The following TOLLIP variants were observed in gnomAD, a reference collection of about 807,000 sequenced individuals.
TOLLIP encodes the protein toll interacting protein, also known as toll-interacting protein.
In TOLLIP, 16 loss-of-function variants were observed where a neutral mutation model predicts 33.5. That is an observed-to-expected ratio of 0.48 (90% CI 0.32 to 0.72). The LOEUF (loss-of-function observed/expected upper bound fraction) is 0.72. Among genes scored for constraint, TOLLIP ranks in the 30% least tolerant of loss-of-function variants. The probability of loss-of-function intolerance (pLI) is 0.03; values close to 1 mark genes in which losing one functional copy is unlikely to be tolerated. For synonymous variants in TOLLIP, 176 were observed against 163.7 expected (o/e 1.07, Z -0.57); for missense variants, 325 against 396.6 (o/e 0.82, Z 1.53).
At chr11:1,306,364 C>A (rs927722274) in intron 1 of TOLLIP, among the ~76,000 whole-genome samples, 1 of 152,086 alleles carries the variant, frequency 6.6e-6, no homozygotes, top group Non-Finnish European at 1.5e-5. Flanking sequence ...TGCTCCTTCA[C>A]GGCCCATGGG....
intron 1 of TOLLIP, among the ~76,000 whole-genome samples, chr11:1,301,468 G>A (rs928136550): frequency 1.5e-5 from 2 of 129,506 alleles, no homozygotes; most frequent in South Asian, 2.7e-4. Context: ...CGAGAACTCC[G>A]TATCCATGTG....
In TOLLIP at chr11:1,303,093, G is replaced by A. The variant is rs1020076869; in HGVS notation, c.33+6373C>T. ...AGCTGGGAGATGACAGTATTGAAAC[G>A]AACCCGTGTAAGCTGAAGAGCGGTG... On this transcript the variant is annotated intron_variant, in intron 1 of 5. Transcript: ENST00000317204. The surrounding 1 kb of genome is among the most constrained non-coding windows in gnomAD (Gnocchi z 4.2). Among the ~76,000 whole-genome samples the A allele has an allele frequency of 2.0e-5, 3 of 152,190 alleles. No homozygotes were observed. Among genetic ancestry groups the A allele is most frequent in the African/African-American group, 7.2e-5 (3 of 41,460 alleles).
intron 1 of TOLLIP, chr11:1,302,848 G>A: frequency 2.1e-6 from 2 of 961,704 alleles, no homozygotes; most frequent in Non-Finnish European, 2.5e-6. Flanking sequence ...CGGCCGCTCA[G>A]CAGCCCCCTC....
At chr11:1,280,991 GGA>G (rs2133882299) in intron 5 of TOLLIP, among the ~76,000 whole-genome samples, 1 of 152,332 alleles carries the variant, frequency 6.6e-6, no homozygotes, top group Admixed American at 6.5e-5. Flanking sequence ...CCAGCCTGGC[GGA>G]GAGTCTCTGT....
Position 1,290,165 on chromosome 11 carries a change from T to G in TOLLIP, c.366+62A>C, listed in dbSNP as rs1863886954. The G allele has an allele frequency of 1.1e-5, 17 of 1,549,880 alleles. No individual in the cohort carries two copies. The East Asian group carries it at 3.9e-4, about 36-fold the overall frequency. On this transcript the variant is annotated intron_variant, in intron 3 of 5. Transcript: ENST00000317204. This position sits in a 1 kb window ranked among gnomAD's most constrained non-coding sequence, Gnocchi z 4.9. ...GAACGTGGCTGTGTTGGCAGGTGTG[T>G]CCCCACGGCAGCCACGCTCAGCCAC...
rs547390607 is a variant in TOLLIP at position 1,276,899 on chromosome 11, G to A, written c.*140C>T. The stretch of plus-strand genomic sequence containing the variant: ...CCCACATGCACCCAAGAACAGGTGT[G>A]GACGGGGCGGCACAGAAGTCCACGG... On this transcript the variant is annotated 3_prime_UTR_variant, in exon 6 of 6. Transcript: ENST00000317204. 6.4e-6 allele frequency: 10 copies of A among 1,557,808 alleles called. No homozygotes were observed. In the African/African-American group the frequency reaches 1.4e-4, roughly 21 times the overall value.
chr11:1,300,151 T>G (rs1864226981), intron 1 of TOLLIP, among the ~76,000 whole-genome samples: 1 of 152,234 alleles, frequency 6.6e-6, no homozygotes, highest in South Asian at 2.1e-4. Context: ...AGGGCTCTCA[T>G]CCCACAGAGC....
intron 5 of TOLLIP, chr11:1,283,363 G>A (rs923157628): frequency 2.9e-6 from 1 of 350,320 alleles, no homozygotes; most frequent in Non-Finnish European, 5.6e-6. Flanking sequence ...GGATGCTGCG[G>A]ACTCAGACGG....
Position 1,275,131 on chromosome 11 carries a change from G to GCGGGCCCCCA in TOLLIP, c.*1907_*1908insTGGGGGCCCG, listed in dbSNP as rs1863247304. On this transcript the variant is annotated 3_prime_UTR_variant, in exon 6 of 6. Coordinates refer to ENST00000317204, the MANE Select transcript of TOLLIP (RefSeq NM_019009.4). ...AAAGGGTTGCTCTCCCTCCAGCGAGGCTGGCCCCCACTGTGTGGGTCCCTC... is the reference window on the plus strand; with the variant it reads ...AAAGGGTTGCTCTCCCTCCAGCGAGGCGGGCCCCCACTGGCCCCCACTGTGTGGGTCCCTC... 2 of 152,220 alleles carry GCGGGCCCCCA rather than the reference G, an allele frequency of 1.3e-5. No homozygotes were observed. The highest frequency in any genetic ancestry group is 2.4e-5 in the African/African-American group (1 of 41,458). The allele number at this position is 152,220 out of a possible 1,614,324, so 9.4% of individuals were successfully genotyped here. A position where few individuals can be genotyped will look rare whatever the true frequency, so the allele number is the denominator to read the frequency against.
At position 1,290,259 on chromosome 11, in the gene TOLLIP, C is replaced by T. The variant is rs141097873; in HGVS notation, c.334G>A (p.Val112Met). ...AAGATCTCGAGATAGAAAGAGTCCA[C>T]GCCTGGGGGCACCGTGCAGTGGATG... is the stretch of plus-strand genomic sequence containing the variant. ...KVIHCTVPPG[V>M]DSFYLEIFDE... The change falls in exon 3 of 6, where the codon GTG becomes ATG. Residue 112 changes from valine to methionine, a missense_variant. Val to Met is a conservative substitution (Grantham distance 21, BLOSUM62 1). Coordinates refer to ENST00000317204, the MANE Select transcript of TOLLIP (RefSeq NM_019009.4). The surrounding 1 kb of genome is among the most constrained non-coding windows in gnomAD (Gnocchi z 4.9). 2.8e-4 allele frequency: 444 copies of T among 1,613,360 alleles called. 3 individuals are homozygous for T. The highest frequency in any genetic ancestry group is 5.5e-5 in the South Asian group (5 of 91,090).
At chr11:1,284,744 G>A (rs1399738354) in intron 5 of TOLLIP, among the ~76,000 whole-genome samples, 4 of 152,214 alleles carry the variant, frequency 2.6e-5, no homozygotes, top group African/African-American at 9.6e-5. Context: ...CCTGGCACCT[G>A]CGCGGGCGGC....
intron 5 of TOLLIP, among the ~76,000 whole-genome samples, chr11:1,285,531 C>T (rs963563277): frequency 3.3e-5 from 5 of 152,246 alleles, no homozygotes; most frequent in African/African-American, 1.2e-4. Flanking sequence ...ACAACAGACG[C>T]AACAGCGCAG....
At chr11:1,304,390 C>T (rs1281897659) in intron 1 of TOLLIP, among the ~76,000 whole-genome samples, 1 of 152,102 alleles carries the variant, frequency 6.6e-6, no homozygotes, top group Non-Finnish European at 1.5e-5. Flanking sequence ...GGAAAGTGAC[C>T]CCAAATGGAA....
chr11:1,283,646 G>T (rs948734404), intron 5 of TOLLIP: 4 of 446,658 alleles, frequency 9.0e-6, no homozygotes, highest in South Asian at 1.6e-5. Context: ...TAAAATAAAC[G>T]TTTTAGAGCA....
In TOLLIP at chr11:1,278,330, G is replaced by A. The variant is rs1288461792; in HGVS notation, c.611-1077C>T. ...CCCGTTCATTCACCTTTAAAAGCAC[G>A]AACCATCTCCCAGCTAGGATCACTG... On this transcript the variant is annotated intron_variant, in intron 5 of 5. Coordinates refer to ENST00000317204, the MANE Select transcript of TOLLIP (RefSeq NM_019009.4). The surrounding 1 kb of genome is among the most constrained non-coding windows in gnomAD (Gnocchi z 4.7). Among the ~76,000 whole-genome samples the A allele has an allele frequency of 2.6e-5, 4 of 152,124 alleles. No homozygotes were observed. Among genetic ancestry groups the A allele is most frequent in the African/African-American group, 4.8e-5 (2 of 41,416 alleles).
At chr11:1,286,120 G>A in intron 4 of TOLLIP, 28 bp from the exon 5 acceptor site, 1 of 1,545,038 alleles carries the variant, frequency 6.5e-7, no homozygotes, top group Non-Finnish European at 8.8e-7. Flanking sequence ...TGGTCCCGGG[G>A]TCAAGGAGGA....
rs1864352227 is a variant in TOLLIP, at chr11:1,303,838, A to C, written c.33+5628T>G. Among the ~76,000 whole-genome samples, 1 of 152,112 alleles carries C rather than the reference A, an allele frequency of 6.6e-6. No individual in the cohort carries two copies. Among genetic ancestry groups the C allele is most frequent in the Non-Finnish European group, 1.5e-5 (1 of 68,014 alleles). On this transcript the variant is annotated intron_variant, in intron 1 of 5. Coordinates refer to ENST00000317204, the MANE Select transcript of TOLLIP (RefSeq NM_019009.4). This position sits in a 1 kb window ranked among gnomAD's most constrained non-coding sequence, Gnocchi z 4.2. Reference sequence around the variant, plus strand: ...ATCACTTGAGACCAGGAGTTCGAGAACAGCCTGGCCAACATGGTGAAACCC... The same window carrying C: ...ATCACTTGAGACCAGGAGTTCGAGACCAGCCTGGCCAACATGGTGAAACCC...
chr11:1,295,531 A>T (rs989418049), intron 2 of TOLLIP, 114 bp downstream of exon 2: 123 of 1,295,374 alleles, frequency 9.5e-5, no homozygotes, highest in Admixed American at 1.2e-4. Flanking sequence ...AAAAGCGGGA[A>T]TCAGAAGTTC....
rs1863333296 is a variant in TOLLIP at position 1,277,079 on chromosome 11, G to A, written c.785C>T (p.Ala262Val). The change falls in exon 6 of 6, where the codon GCC becomes GTC. Residue 262 changes from alanine (A) to valine (V), a missense_variant. Transcript: ENST00000317204. This position sits in a 1 kb window ranked among gnomAD's most constrained non-coding sequence, Gnocchi z 4.2. ...CATCTGCAGCAGGGAGTTGATGGCG[G>A]CATCCTTGTTCCCTCGCTGGGCTTC... ...VLEAQRGNKDAAINSLLQMGE... is the reference protein window; with the variant it reads ...VLEAQRGNKDVAINSLLQMGE... 1.2e-6 allele frequency: 2 copies of A among 1,613,934 alleles called. No individual in the cohort carries two copies. The highest frequency in any genetic ancestry group is 1.1e-5 in the South Asian group (1 of 91,096).
Sources: gnomAD v4.1 joint callset for allele counts (sites outside exome capture counted in the v4.1 genomes callset) on GRCh38, gnomAD v4.1.1 for gene constraint, Gnocchi (gnomAD v3.1) non-coding constraint, MANE v1.5 for transcripts, NCBI Gene and HGNC (gene_info 2026-07-23, HGNC 2026-07-21) for gene names.